Variants in AK9 observed in about 807,000 individuals in gnomAD.
AK9 encodes the protein adenylate kinase domain containing 1.
AK9 carries 191 observed loss-of-function variants against 239.6 expected under a neutral mutation model. The observed-to-expected ratio is 0.80, with a 90% confidence interval of 0.71 to 0.90. The LOEUF is 0.90. AK9 is among the 40% of genes least tolerant of loss of function. AK9 has a pLI of 0.00. For missense variants in AK9, 1,995 were observed against 2,214.7 expected (o/e 0.90, Z 1.99); for synonymous variants, 689 against 721.0 (o/e 0.96, Z 0.71).
chr6:109,532,870 C>T (rs955098302), intron 28 of AK9, among the ~76,000 whole-genome samples: 4 of 152,142 alleles, frequency 2.6e-5, no homozygotes, highest in African/African-American at 9.7e-5. Flanking sequence ...GGTCTGGTTT[C>T]ACTATAGGCT....
At chr6:109,631,785 A>C (rs1323042804) in intron 12 of AK9, 1 of 152,268 alleles carries the variant, frequency 6.6e-6, no homozygotes, top group Non-Finnish European at 1.5e-5. Flanking sequence ...AGAATACAAT[A>C]AAACAATAAA....
At chr6:109,525,736 T>C (rs544256803) in intron 29 of AK9, among the ~76,000 whole-genome samples, 1 of 152,264 alleles carries the variant, frequency 6.6e-6, no homozygotes, top group South Asian at 2.1e-4. Context: ...GAAAAGCAGT[T>C]TGGAGATTTA....
At chr6:109,602,884 T>G in intron 17 of AK9, among the ~76,000 whole-genome samples, 1 of 152,236 alleles carries the variant, frequency 6.6e-6, no homozygotes, top group East Asian at 1.9e-4. Context: ...AGCTTGTGTA[T>G]TCGTCACGTA....
intron 1 of AK9, among the ~76,000 whole-genome samples, chr6:109,686,297 G>T (rs1467154141): frequency 1.3e-5 from 2 of 152,220 alleles, no homozygotes; most frequent in East Asian, 1.9e-4. Context: ...AAGTTTGAAG[G>T]TCTTATTACT....
At chr6:109,542,563 A>C (rs992455660) in intron 26 of AK9, among the ~76,000 whole-genome samples, 4 of 152,214 alleles carry the variant, frequency 2.6e-5, no homozygotes, top group Non-Finnish European at 5.9e-5. Flanking sequence ...TGTGTGTAAC[A>C]AAATATCACA....
chr6:109,600,829 T>A (rs1297505067), intron 17 of AK9, among the ~76,000 whole-genome samples: 1 of 152,198 alleles, frequency 6.6e-6, no homozygotes, highest in African/African-American at 2.4e-5. Flanking sequence ...GTCCATGAAT[T>A]TATCCATTTC....
chr6:109,624,985 G>A (rs151083800), intron 12 of AK9, among the ~76,000 whole-genome samples: 8 of 151,528 alleles, frequency 5.3e-5, no homozygotes, highest in African/African-American at 1.7e-4. Context: ...CTTTTTTAAT[G>A]TTCTTTCATC....
At position 109,600,573 on chromosome 6, in the gene AK9, C is replaced by T. The variant is rs555057240; in HGVS notation, c.1842+9792G>A. 5.3e-3 allele frequency among the ~76,000 whole-genome samples: 802 copies of T among 152,272 alleles called. 9 individuals are homozygous for T. The highest frequency in any genetic ancestry group is 0.019 in the African/African-American group (775 of 41,554). Reference sequence around the variant, plus strand: ...TTGTGTCTCTGCCAGGCTTTGGTATCAGGATGATGCTGGCCTCATAAAATG... The same window carrying T: ...TTGTGTCTCTGCCAGGCTTTGGTATTAGGATGATGCTGGCCTCATAAAATG... On this transcript the variant is annotated intron_variant, in intron 17 of 40. Transcript: ENST00000424296.
At chr6:109,628,502 T>C (rs994996805) in intron 12 of AK9, among the ~76,000 whole-genome samples, 1 of 152,184 alleles carries the variant, frequency 6.6e-6, no homozygotes, top group Non-Finnish European at 1.5e-5. Context: ...TGAGTTTCTC[T>C]TCCCGCAGGG....
chr6:109,517,198 T>G (rs1718507444), intron 29 of AK9, among the ~76,000 whole-genome samples: 1 of 152,218 alleles, frequency 6.6e-6, no homozygotes, highest in Non-Finnish European at 1.5e-5. Context: ...TAAGTTCCTG[T>G]GTTGCTTCTT....
rs142924131 is a variant in AK9 at position 109,496,266 on chromosome 6, G to A, written c.5316-826C>T. Among the ~76,000 whole-genome samples the A allele has an allele frequency of 4.9e-3, 740 of 152,260 alleles. 9 individuals carry two copies. Among genetic ancestry groups the A allele is most frequent in the African/African-American group, 0.015 (638 of 41,532 alleles). The stretch of plus-strand genomic sequence containing the variant: ...ATGGGCAGCTCTGGTCCCCTCAGCC[G>A]GCCGTGTGCAGTCCGGTTTGCACCA... On this transcript the variant is annotated intron_variant, in intron 38 of 40. Transcript: ENST00000424296.
chr6:109,533,898 CTGTT>C (rs1456232691), intron 27 of AK9, among the ~76,000 whole-genome samples: 2 of 152,094 alleles, frequency 1.3e-5, no homozygotes, highest in Non-Finnish European at 1.5e-5. Context: ...AATAAGTTCT[CTGTT>C]TGGGAGCGGT....
chr6:109,626,993 AC>A (rs1259172768), intron 12 of AK9, among the ~76,000 whole-genome samples: 12 of 152,174 alleles, frequency 7.9e-5, no homozygotes, highest in Middle Eastern at 3.4e-3. Context: ...TAGCTTTTTT[AC>A]TTTATAAACT....
At chr6:109,625,486 A>T (rs868039420) in intron 12 of AK9, among the ~76,000 whole-genome samples, 6 of 152,300 alleles carry the variant, frequency 3.9e-5, no homozygotes, top group Middle Eastern at 6.8e-3. Context: ...GCACTGCAGG[A>T]GGTGAGCGGT....
chr6:109,583,051 T>C (rs929224771), intron 19 of AK9, among the ~76,000 whole-genome samples: 3 of 152,194 alleles, frequency 2.0e-5, no homozygotes, highest in Non-Finnish European at 2.9e-5. Context: ...GCACACTTAA[T>C]AGATGACAAT....
chr6:109,570,601 A>G (rs1441593408), intron 21 of AK9, among the ~76,000 whole-genome samples: 1 of 152,136 alleles, frequency 6.6e-6, no homozygotes, highest in African/African-American at 2.4e-5. Context: ...GCATTAGGAG[A>G]GAGGCAATAA....
chr6:109,550,708 G>T (rs1784254629), intron 24 of AK9, among the ~76,000 whole-genome samples: 1 of 152,122 alleles, frequency 6.6e-6, no homozygotes, highest in African/African-American at 2.4e-5. Flanking sequence ...GATGCCTCAG[G>T]ATTTACTTTG....
intron 17 of AK9, 86 bp downstream of exon 17, chr6:109,610,279 T>G: frequency 2.8e-6 from 4 of 1,442,072 alleles, no homozygotes; most frequent in Non-Finnish European, 3.8e-6. Context: ...ATCATAAGAC[T>G]CTAAAATAAT....
chr6:109,626,139 G>A (rs760650276), intron 12 of AK9, among the ~76,000 whole-genome samples: 1 of 151,840 alleles, frequency 6.6e-6, no homozygotes, highest in Non-Finnish European at 1.5e-5. Context: ...CGTTCAGTTT[G>A]GTTTTTATAT....
Sources: gnomAD v4.1 joint callset for allele counts (sites outside exome capture counted in the v4.1 genomes callset) on GRCh38, gnomAD v4.1.1 for gene constraint, MANE v1.5 for transcripts, NCBI Gene and HGNC (gene_info 2026-07-23, HGNC 2026-07-21) for gene names.